Variants in DENND3 observed in about 807,000 individuals in gnomAD.
DENND3 encodes DENN domain-containing protein 3.
A neutral mutation model predicts 135.1 loss-of-function variants in DENND3; 88 were observed. That is an observed-to-expected ratio of 0.65 (90% CI 0.55 to 0.78). The LOEUF is 0.78. Among genes scored for constraint, DENND3 ranks in the 30% least tolerant of loss-of-function variants. The pLI is 0.00. For synonymous variants in DENND3, 693 were observed against 712.3 expected (o/e 0.97, Z 0.43); for missense variants, 1,392 against 1,688.4 (o/e 0.82, Z 3.08).
At chr8:141,134,058 A>G (rs547000823) in intron 1 of DENND3, among the ~76,000 whole-genome samples, 1 of 152,202 alleles carries the variant, frequency 6.6e-6, no homozygotes, top group South Asian at 2.1e-4. Context: ...CATCAGACCA[A>G]GGGAAACCAG....
At chr8:141,145,312 C>T (rs1417800007) in intron 5 of DENND3, among the ~76,000 whole-genome samples, 2 of 152,128 alleles carry the variant, frequency 1.3e-5, no homozygotes, top group African/African-American at 4.8e-5. Flanking sequence ...TGACTTATAC[C>T]CTCCTTCCTC....
Position 141,128,817 on chromosome 8 carries a change from G to C in DENND3, c.102+8G>C. 1 of 1,405,110 alleles carries C rather than the reference G, an allele frequency of 7.1e-7. No individual in the cohort carries two copies. The highest frequency in any genetic ancestry group is 9.3e-7 in the Non-Finnish European group (1 of 1,073,582). The allele number at this position is 1,405,110 out of a possible 1,614,324, so 87.0% of individuals were successfully genotyped here. On this transcript the variant is annotated splice_region_variant and intron_variant, in intron 1 of 22. Coordinates refer to ENST00000519811, the MANE Select transcript of DENND3 (RefSeq NM_001352890.3). The surrounding 1 kb of genome is among the most constrained non-coding windows in gnomAD (Gnocchi z 4.5). ...CTCCGAAGTCTCGAGCAGGTGAGGG[G>C]CGGGGAAACTGAGGCGGACGTGGGC...
Position 141,175,748 on chromosome 8 carries a change from G to A in DENND3, c.2535+289G>A, listed in dbSNP as rs1248127635. The A allele has an allele frequency of 1.5e-5, 7 of 459,936 alleles. No individual in the cohort carries two copies. The highest frequency in any genetic ancestry group is 2.4e-5 in the Non-Finnish European group (6 of 247,990). 28.5% of individuals were successfully genotyped at this position (459,936 alleles called of 1,614,324 possible). A position where few individuals can be genotyped will look rare whatever the true frequency, so the allele number is the denominator to read the frequency against. Reference sequence around the variant, plus strand: ...TCTGGGAGGCAGGAAGTAAGAATGTGGGCTGACATTCTCATTAGGGACAGT... The same window carrying A: ...TCTGGGAGGCAGGAAGTAAGAATGTAGGCTGACATTCTCATTAGGGACAGT... On this transcript the variant is annotated intron_variant, in intron 14 of 22. Transcript: ENST00000519811. The surrounding 1 kb of genome is among the most constrained non-coding windows in gnomAD (Gnocchi z 5.4).
chr8:141,167,966 CT>C lies in DENND3; in HGVS notation c.1754-37del. The C allele has an allele frequency of 6.4e-7, 1 of 1,571,940 alleles. No individual in the cohort carries two copies. The highest frequency in any genetic ancestry group is 1.8e-5 in the Admixed American group (1 of 57,092). On this transcript the variant is annotated intron_variant, in intron 12 of 22. Transcript: ENST00000519811. The surrounding 1 kb of genome is among the most constrained non-coding windows in gnomAD (Gnocchi z 4.1). ...AGGGACACGTGTTCATTTGGAAGGT[CT>C]GTGCTAATGGTCTCCTTTTCCCCCT... is the stretch of plus-strand genomic sequence containing the variant.
In DENND3 at chr8:141,150,829, C is replaced by T. The variant is rs1405300912; in HGVS notation, c.736-5C>T. On this transcript the variant is annotated splice_polypyrimidine_tract_variant and splice_region_variant and intron_variant, in intron 5 of 22. Coordinates refer to ENST00000519811, the MANE Select transcript of DENND3 (RefSeq NM_001352890.3). ...TGAACTAATGACGGGAACTGGTTGT[C>T]GTAGGTATTTAACATGAAGTCGCTC... 6.3e-6 allele frequency: 10 copies of T among 1,591,728 alleles called. No individual in the cohort carries two copies. The highest frequency in any genetic ancestry group is 2.3e-5 in the South Asian group (2 of 87,364).
intron 19 of DENND3, 132 bp downstream of exon 19, chr8:141,189,278 G>A (rs1189746514): frequency 4.0e-6 from 5 of 1,254,450 alleles, no homozygotes; most frequent in South Asian, 2.7e-5. Flanking sequence ...GATCTAGAAC[G>A]AGGAAAGCTG....
Position 141,194,099 on chromosome 8 carries a change from G to C in DENND3, c.3703G>C (p.Glu1235Gln), listed in dbSNP as rs370142294. 3.1e-6 allele frequency: 5 copies of C among 1,614,018 alleles called. No individual in the cohort carries two copies. The South Asian group carries it at 4.4e-5, about 14-fold the overall frequency. The part of the protein sequence containing the change: ...PKGKIYVIDA[E>Q]RKTVEKELVA... ...GGGGAAAATCTACGTGATTGACGCC[G>C]AGAGGAAGACCGTGGAGAAGGAGCT... is the stretch of plus-strand genomic sequence containing the variant. The change falls in exon 23 of 23, where the codon GAG becomes CAG. Residue 1235 changes from glutamate (E) to glutamine (Q), a missense_variant. By Grantham distance (29) the Glu-to-Gln change is conservative. Coordinates refer to ENST00000519811, the MANE Select transcript of DENND3 (RefSeq NM_001352890.3).
At chr8:141,161,913 G>C (rs1569555980) in intron 9 of DENND3, among the ~76,000 whole-genome samples, 1 of 148,412 alleles carries the variant, frequency 6.7e-6, no homozygotes, top group East Asian at 2.0e-4. Context: ...CAATTCTCCT[G>C]CCTCGGCCTC....
chr8:141,183,035 C>T (rs908028810), intron 17 of DENND3, among the ~76,000 whole-genome samples: 3 of 152,218 alleles, frequency 2.0e-5, no homozygotes, highest in African/African-American at 7.2e-5. Context: ...TGAAACCTCG[C>T]CCCTTCACAC....
In DENND3 at chr8:141,174,304, G is replaced by T. The variant is rs887372883; in HGVS notation, c.2276-896G>T. 3.9e-5 allele frequency among the ~76,000 whole-genome samples: 6 copies of T among 152,198 alleles called. No homozygotes were observed. The highest frequency in any genetic ancestry group is 8.8e-5 in the Non-Finnish European group (6 of 68,034). On this transcript the variant is annotated intron_variant, in intron 13 of 22. Coordinates refer to ENST00000519811, the MANE Select transcript of DENND3 (RefSeq NM_001352890.3). The surrounding 1 kb of genome is among the most constrained non-coding windows in gnomAD (Gnocchi z 4.6). ...TGGCTCTGAGTGCCACGCAAAGCAG[G>T]CTGTGAGTGCGGGTGGCTCTGAAGG...
At chr8:141,189,209 G>C in intron 19 of DENND3, 63 bp downstream of exon 19, 2 of 1,607,014 alleles carry the variant, frequency 1.2e-6, no homozygotes, top group East Asian at 2.2e-5. Context: ...AAGGCACAGC[G>C]GGTAGGGTTC....
At chr8:141,191,908 G>T in intron 20 of DENND3, 1 of 155,304 alleles carries the variant, frequency 6.4e-6, no homozygotes. Context: ...TTATTTTTCA[G>T]TGGTTGCTCT....
intron 21 of DENND3, 36 bp downstream of exon 21, chr8:141,192,485 T>C: frequency 6.2e-7 from 1 of 1,613,172 alleles, no homozygotes; most frequent in Non-Finnish European, 8.5e-7. Context: ...AGCATGTGCG[T>C]GGCCCGGGGC....
At chr8:141,184,589 T>C (rs1823645318) in intron 17 of DENND3, 1 of 152,414 alleles carries the variant, frequency 6.6e-6, no homozygotes, top group Non-Finnish European at 1.5e-5. Flanking sequence ...ATCAGGCTCA[T>C]TAGCAATTAG....
At chr8:141,147,768 C>T (rs979798569) in intron 5 of DENND3, among the ~76,000 whole-genome samples, 6 of 152,216 alleles carry the variant, frequency 3.9e-5, no homozygotes, top group South Asian at 2.1e-4. Flanking sequence ...CACCCAGCAC[C>T]GCATATCCAG....
At position 141,168,221 on chromosome 8, in the gene DENND3, C is replaced by A; in HGVS notation, c.1971C>A (p.Leu657=). The A allele has an allele frequency of 6.2e-7, 1 of 1,614,202 alleles. No homozygotes were observed. Among genetic ancestry groups the A allele is most frequent in the Non-Finnish European group, 8.5e-7 (1 of 1,180,036 alleles). Reference sequence around the variant, plus strand: ...TGCAGGGACAGCTGCTGAACGCCCTCTTGGACTTCCAGAATCTGTATAAAA... The same window carrying A: ...TGCAGGGACAGCTGCTGAACGCCCTATTGGACTTCCAGAATCTGTATAAAA... ...YLMQGQLLNA[L]LDFQNLYKTD... is the part of the protein sequence containing the mutation. The change falls in exon 13 of 23, where the codon CTC becomes CTA. Residue 657 remains leucine (L), a synonymous_variant. Transcript: ENST00000519811. The surrounding 1 kb of genome is among the most constrained non-coding windows in gnomAD (Gnocchi z 6.2).
At chr8:141,172,102 T>TGTGCACGGTGGTGGGC (rs1172543622) in intron 13 of DENND3, among the ~76,000 whole-genome samples, 6 of 148,990 alleles carry the variant, frequency 4.0e-5, no homozygotes, top group Non-Finnish European at 7.4e-5. Context: ...TGGTGGTGGG[T>TGTGCACGGTGGTGGGC]GTGCACGGTG....
chr8:141,172,090 A>G (rs1230014814), intron 13 of DENND3, among the ~76,000 whole-genome samples: 7 of 140,572 alleles, frequency 5.0e-5, no homozygotes, highest in Non-Finnish European at 9.2e-5. Flanking sequence ...GGGTGTGCGC[A>G]GTGGTGGTGG....
intron 13 of DENND3, among the ~76,000 whole-genome samples, chr8:141,171,603 G>A (rs561798154): frequency 1.1e-3 from 166 of 152,366 alleles, no homozygotes; most frequent in Non-Finnish European, 2.0e-3. Flanking sequence ...TTGTGTCTAC[G>A]TGGGCGTGTG....
Sources: gnomAD v4.1 joint callset for allele counts (sites outside exome capture counted in the v4.1 genomes callset) on GRCh38, gnomAD v4.1.1 for gene constraint, Gnocchi (gnomAD v3.1) non-coding constraint, MANE v1.5 for transcripts, NCBI Gene and HGNC (gene_info 2026-07-23, HGNC 2026-07-21) for gene names.